The following LRRC4C variants were observed in gnomAD, a reference collection of about 807,000 sequenced individuals.
LRRC4C encodes leucine-rich repeat-containing protein 4C.
A neutral mutation model predicts 33.6 loss-of-function variants in LRRC4C; 5 were observed. The observed-to-expected ratio is 0.15, with a 90% CI of 0.08 to 0.31. LRRC4C has a LOEUF of 0.31. Ranked by LOEUF, LRRC4C falls within the 10% of genes least tolerant of loss-of-function variation. The pLI is 1.00. For synonymous variants in LRRC4C, 329 were observed against 302.0 expected (o/e 1.09, Z -0.93); for missense variants, 560 against 796.7 (o/e 0.70, Z 3.58).
intron 3 of LRRC4C, among the ~76,000 whole-genome samples, chr11:40,346,097 G>T (rs1947116921): frequency 6.6e-6 from 1 of 152,140 alleles, no homozygotes; most frequent in African/African-American, 2.4e-5. Flanking sequence ...ATACACTGTT[G>T]GTGGGAGTGT....
At chr11:41,385,844 A>C (rs1443132421) in intron 1 of LRRC4C, among the ~76,000 whole-genome samples, 2 of 151,592 alleles carry the variant, frequency 1.3e-5, no homozygotes, top group Non-Finnish European at 3.0e-5. Flanking sequence ...GTTTTAGATC[A>C]AACTTTAGAA....
chr11:40,219,146 G>A (rs1290012251), intron 5 of LRRC4C, among the ~76,000 whole-genome samples: 1 of 152,076 alleles, frequency 6.6e-6, no homozygotes, highest in African/African-American at 2.4e-5. Flanking sequence ...GCCCCATGTG[G>A]CTATTCAAAT....
chr11:40,583,427 CTGAA>C (rs1202861385), intron 3 of LRRC4C, among the ~76,000 whole-genome samples: 2 of 152,226 alleles, frequency 1.3e-5, no homozygotes, highest in Non-Finnish European at 2.9e-5. Flanking sequence ...TTCCTGCTTT[CTGAA>C]TAAGAGGCTC....
At chr11:40,374,918 G>A (rs1948597618) in intron 3 of LRRC4C, among the ~76,000 whole-genome samples, 1 of 152,152 alleles carries the variant, frequency 6.6e-6, no homozygotes, top group Admixed American at 6.5e-5. Context: ...GAAGTACAAG[G>A]AGGTAGTGTG....
At chr11:40,489,599 G>A (rs138568900) in intron 3 of LRRC4C, among the ~76,000 whole-genome samples, 1 of 152,096 alleles carries the variant, frequency 6.6e-6, no homozygotes, top group Non-Finnish European at 1.5e-5. Flanking sequence ...AACATATTCA[G>A]TAGCCTCAAA....
chr11:40,903,593 T>TTGTGTG (rs1185820953), intron 2 of LRRC4C, among the ~76,000 whole-genome samples: 1 of 152,172 alleles, frequency 6.6e-6, no homozygotes, highest in African/African-American at 2.4e-5. Flanking sequence ...TTGAGAACAA[T>TTGTGTG]TGTGATTCAT....
At chr11:40,632,166 T>C (rs573860990) in intron 3 of LRRC4C, among the ~76,000 whole-genome samples, 24 of 152,204 alleles carry the variant, frequency 1.6e-4, no homozygotes, top group Non-Finnish European at 8.8e-5. Context: ...AATCGGATTG[T>C]GTTAAACAAA....
chr11:41,093,666 C>T (rs1940591846), intron 1 of LRRC4C, among the ~76,000 whole-genome samples: 1 of 152,048 alleles, frequency 6.6e-6, no homozygotes, highest in South Asian at 2.1e-4. Flanking sequence ...CCAGAGAAAC[C>T]TCTTACTGGG....
chr11:40,986,256 G>T (rs1052180766), intron 1 of LRRC4C, among the ~76,000 whole-genome samples: 1 of 152,094 alleles, frequency 6.6e-6, no homozygotes, highest in African/African-American at 2.4e-5. Context: ...GTAAAGAAAT[G>T]TCTGACTCAT....
chr11:41,220,004 A>AT (rs1212755546), intron 1 of LRRC4C, among the ~76,000 whole-genome samples: 1 of 152,142 alleles, frequency 6.6e-6, no homozygotes, highest in Admixed American at 6.5e-5. Context: ...TTGACCTGGA[A>AT]TTTTTTAAAA....
In LRRC4C at chr11:40,448,248, C is replaced by T. The variant is rs548650247; in HGVS notation, c.-269-128527G>A. 3.3e-5 allele frequency among the ~76,000 whole-genome samples: 5 copies of T among 152,192 alleles called. No homozygotes were observed. The East Asian group carries it at 9.7e-4, about 29-fold the overall frequency. On this transcript the variant is annotated intron_variant, in intron 3 of 6. Coordinates refer to ENST00000528697, the MANE Select transcript of LRRC4C (RefSeq NM_001258419.2). ...GATCTTGGTCTACTCTTCCTCATTACCTTTTTAAAAATTATTATTATGCAT... is the reference window on the plus strand; with the variant it reads ...GATCTTGGTCTACTCTTCCTCATTATCTTTTTAAAAATTATTATTATGCAT...
intron 3 of LRRC4C, among the ~76,000 whole-genome samples, chr11:40,526,452 TAAATGGCC>T (rs1956053444): frequency 6.6e-6 from 1 of 151,460 alleles, no homozygotes; most frequent in Non-Finnish European, 1.5e-5. Flanking sequence ...AGAGAATATC[TAAATGGCC>T]AATAAACAAA....
At chr11:41,020,023 T>A (rs1855849581) in intron 1 of LRRC4C, among the ~76,000 whole-genome samples, 1 of 152,190 alleles carries the variant, frequency 6.6e-6, no homozygotes, top group Non-Finnish European at 1.5e-5. Flanking sequence ...TTTAATTAGA[T>A]CCCATTTGTC....
intron 3 of LRRC4C, among the ~76,000 whole-genome samples, chr11:40,572,254 A>G (rs1447990528): frequency 6.6e-6 from 1 of 152,206 alleles, no homozygotes; most frequent in African/African-American, 2.4e-5. Context: ...CTTTATCACC[A>G]GCCTGGGATA....
intron 3 of LRRC4C, among the ~76,000 whole-genome samples, chr11:40,463,501 G>A (rs547566909): frequency 5.9e-5 from 9 of 151,942 alleles, no homozygotes; most frequent in Admixed American, 2.0e-4. Context: ...CAGAAATATC[G>A]GAAATTTATC....
At chr11:40,200,393 T>G (rs1438400966) in intron 5 of LRRC4C, among the ~76,000 whole-genome samples, 1 of 150,140 alleles carries the variant, frequency 6.7e-6, no homozygotes, top group African/African-American at 2.5e-5. Context: ...CATAAAGCTT[T>G]TATGGGTACT....
chr11:40,710,895 C>T (rs1050131560), intron 2 of LRRC4C, among the ~76,000 whole-genome samples: 1 of 152,212 alleles, frequency 6.6e-6, no homozygotes, highest in Admixed American at 6.5e-5. Context: ...CCTATTCAAG[C>T]CTCAGCAATT....
intron 1 of LRRC4C, among the ~76,000 whole-genome samples, chr11:41,240,142 G>A (rs1948192222): frequency 6.6e-6 from 1 of 152,174 alleles, no homozygotes; most frequent in Admixed American, 6.5e-5. Context: ...TTAGTCTTGT[G>A]TTGGCACAAA....
chr11:41,156,290 C>T (rs1458122782), intron 1 of LRRC4C, among the ~76,000 whole-genome samples: 1 of 152,078 alleles, frequency 6.6e-6, no homozygotes, highest in East Asian at 1.9e-4. Flanking sequence ...CCCATACTAT[C>T]ACTGTAACTG....
Sources: allele counts gnomAD v4.1 joint callset (sites outside exome capture counted in the v4.1 genomes callset), GRCh38; gene constraint gnomAD v4.1.1; transcripts MANE v1.5; gene names NCBI Gene and HGNC (gene_info 2026-07-23, HGNC 2026-07-21).